Variants in ZNF737 observed in about 807,000 individuals in gnomAD.
ZNF737 encodes zinc finger protein 737, also known as zinc finger protein 102 (Y3).
Under a neutral mutation model 11.7 loss-of-function variants are expected in ZNF737, and 13 were observed. The observed-to-expected ratio is 1.11, with a 90% CI of 0.73 to 1.77. ZNF737 has a LOEUF of 1.77. Ranked by LOEUF, ZNF737 falls within the 40% of genes most tolerant of loss-of-function variation. ZNF737 has a pLI of 0.00. For synonymous variants in ZNF737, 217 were observed against 216.2 expected (o/e 1.00, Z -0.03); for missense variants, 636 against 638.0 (o/e 1.00, Z 0.03).
chr19:20,532,375 G>T (rs1224113545), downstream of ZNF737, among the ~76,000 whole-genome samples: 1 of 149,250 alleles, frequency 6.7e-6, no homozygotes, highest in Non-Finnish European at 1.5e-5. Flanking sequence ...TATTTCTGAG[G>T]TTTTTTTTAA....
intron 1 of ZNF737, among the ~76,000 whole-genome samples, chr19:20,554,431 T>G (rs1555759914): frequency 6.6e-6 from 1 of 152,070 alleles, no homozygotes; most frequent in African/African-American, 2.4e-5. Context: ...TAGAAAAAAT[T>G]AAGAAAAAAG....
At chr19:20,562,411 G>A (rs549887860) in intron 1 of ZNF737, among the ~76,000 whole-genome samples, 2 of 147,394 alleles carry the variant, frequency 1.4e-5, no homozygotes, top group East Asian at 2.0e-4. Flanking sequence ...GTGTGATCTC[G>A]GCTCACCACA....
chr19:20,557,201 T>G (rs1163061486), intron 1 of ZNF737, among the ~76,000 whole-genome samples: 1 of 152,272 alleles, frequency 6.6e-6, no homozygotes, highest in East Asian at 1.9e-4. Context: ...ATTAAAAAAC[T>G]AGGACCCTAA....
intron 1 of ZNF737, among the ~76,000 whole-genome samples, chr19:20,554,163 CAT>C (rs1483407324): frequency 2.0e-5 from 3 of 152,138 alleles, no homozygotes; most frequent in African/African-American, 7.2e-5. Context: ...ATGACAAAGA[CAT>C]GTTGAGTTTA....
Position 20,542,712 on chromosome 19 carries a change from T to C in ZNF737, c.*1880A>G. On this transcript the variant is annotated 3_prime_UTR_variant, in exon 4 of 4. Transcript: ENST00000427401. ...TTACTACAAACAGCTTCTCCACTTG[T>C]ATTTTCATTATGCGTCTTACATTTT... The C allele has an allele frequency of 2.0e-6, 2 of 984,636 alleles. No individual in the cohort carries two copies. Among genetic ancestry groups the C allele is most frequent in the Non-Finnish European group, 2.4e-6 (2 of 829,238 alleles). The allele number at this position is 984,636 out of a possible 1,614,324, so 61.0% of individuals were successfully genotyped here. A position where few individuals can be genotyped will look rare whatever the true frequency, so the allele number is the denominator to read the frequency against.
In ZNF737 at chr19:20,540,722, G is replaced by C; in HGVS notation, c.*3870C>G. 1 of 773,592 alleles carries C rather than the reference G, an allele frequency of 1.3e-6. No individual in the cohort carries two copies. The highest frequency in any genetic ancestry group is 1.6e-6 in the Non-Finnish European group (1 of 637,470). 47.9% of individuals were successfully genotyped at this position (773,592 alleles called of 1,614,324 possible). A position where few individuals can be genotyped will look rare whatever the true frequency, so the allele number is the denominator to read the frequency against. On this transcript the variant is annotated 3_prime_UTR_variant, in exon 4 of 4. Coordinates refer to ENST00000427401, the MANE Select transcript of ZNF737 (RefSeq NM_001159293.2). ...TGCCATGAGCTGAGATCACGCCACT[G>C]CTCTCCAGCCTGGAAGACAGAGCAA...
chr19:20,531,343 G>T (rs1203356777), downstream of ZNF737, among the ~76,000 whole-genome samples: 2 of 149,440 alleles, frequency 1.3e-5, no homozygotes, highest in Non-Finnish European at 3.0e-5. Flanking sequence ...GAGAATTTCT[G>T]TTGTTGATTT....
chr19:20,544,278 T>C lies in ZNF737; in HGVS notation c.*314A>G, dbSNP rs1304904351. 4 of 1,179,520 alleles carry C rather than the reference T, an allele frequency of 3.4e-6. No homozygotes were observed. The highest frequency in any genetic ancestry group is 4.8e-5 in the East Asian group (1 of 20,744). 73.1% of individuals were successfully genotyped at this position (1,179,520 alleles called of 1,614,324 possible). A position where few individuals can be genotyped will look rare whatever the true frequency, so the allele number is the denominator to read the frequency against. On this transcript the variant is annotated 3_prime_UTR_variant, in exon 4 of 4. Coordinates refer to ENST00000427401, the MANE Select transcript of ZNF737 (RefSeq NM_001159293.2). ...TTATATTTGTAGGGTTTATGTTCCA[T>C]ATAAATTCTCATATTTAGTAAAAGT...
At chr19:20,563,960 T>C (rs1969201500) in intron 1 of ZNF737, 1 of 152,052 alleles carries the variant, frequency 6.6e-6, no homozygotes. Context: ...TGTCAGAAGA[T>C]CACGACCATT....
downstream of ZNF737, among the ~76,000 whole-genome samples, chr19:20,532,823 A>G (rs1340317706): frequency 6.7e-6 from 1 of 149,908 alleles, no homozygotes; most frequent in Non-Finnish European, 1.5e-5. Flanking sequence ...ACTATCACCC[A>G]TTTGAAATGT....
At chr19:20,559,625 A>G (rs1555761941) in intron 1 of ZNF737, among the ~76,000 whole-genome samples, 1 of 152,244 alleles carries the variant, frequency 6.6e-6, no homozygotes, top group African/African-American at 2.4e-5. Flanking sequence ...AGAAAACGGA[A>G]TGCTTATACT....
In ZNF737 at chr19:20,541,310, A is replaced by C. The variant is rs1968195885; in HGVS notation, c.*3282T>G. Reference sequence around the variant, plus strand: ...TTTCTTACACCTCAGGTTTATCTTCAGAGTAATATGTGTATATTTAACTCT... The same window carrying C: ...TTTCTTACACCTCAGGTTTATCTTCCGAGTAATATGTGTATATTTAACTCT... On this transcript the variant is annotated 3_prime_UTR_variant, in exon 4 of 4. Transcript: ENST00000427401. 1.0e-6 allele frequency: 1 copy of C among 983,364 alleles called. No individual in the cohort carries two copies. Among genetic ancestry groups the C allele is most frequent in the Non-Finnish European group, 1.2e-6 (1 of 828,752 alleles). 60.9% of individuals were successfully genotyped at this position (983,364 alleles called of 1,614,324 possible). A position where few individuals can be genotyped will look rare whatever the true frequency, so the allele number is the denominator to read the frequency against.
intron 1 of ZNF737, among the ~76,000 whole-genome samples, chr19:20,563,728 C>T (rs1476125517): frequency 6.6e-6 from 1 of 152,046 alleles, no homozygotes; most frequent in Non-Finnish European, 1.5e-5. Context: ...TCAAGTGATC[C>T]ACTCACCTCG....
chr19:20,531,068 A>G (rs1967813570), downstream of ZNF737, among the ~76,000 whole-genome samples: 1 of 146,530 alleles, frequency 6.8e-6, no homozygotes, highest in Admixed American at 6.8e-5. Context: ...TCCACCAAAA[A>G]AATACGAAAA....
At position 20,539,116 on chromosome 19, in the gene ZNF737, T is replaced by C. The variant is rs1486867020; in HGVS notation, c.*5476A>G. The C allele has an allele frequency of 1.7e-6, 1 of 602,966 alleles. No individual in the cohort carries two copies. 37.4% of individuals were successfully genotyped at this position (602,966 alleles called of 1,614,324 possible). On this transcript the variant is annotated 3_prime_UTR_variant, in exon 4 of 4. Transcript: ENST00000427401. ...TTCAAGACAAGCCTGGCTAACATGATGAAATCCCATCTCTACTACAAAAAT... is the reference window on the plus strand; with the variant it reads ...TTCAAGACAAGCCTGGCTAACATGACGAAATCCCATCTCTACTACAAAAAT...
At chr19:20,556,436 A>G (rs1376509030) in intron 1 of ZNF737, among the ~76,000 whole-genome samples, 2 of 152,246 alleles carry the variant, frequency 1.3e-5, no homozygotes, top group Non-Finnish European at 2.9e-5. Flanking sequence ...TAACGAGCTA[A>G]GCTAAGCATT....
chr19:20,564,938 A>ATTTT (rs33965622), intron 1 of ZNF737, among the ~76,000 whole-genome samples: 8,392 of 141,492 alleles, frequency 0.059, 922 homozygotes, highest in African/African-American at 0.21. Flanking sequence ...ATAACCAGGA[A>ATTTT]TTTTTTTTTT....
chr19:20,560,933 A>G (rs1969069478), intron 1 of ZNF737, among the ~76,000 whole-genome samples: 1 of 152,190 alleles, frequency 6.6e-6, no homozygotes, highest in Admixed American at 6.5e-5. Flanking sequence ...GGAGGGTGGA[A>G]GACTAAGAGA....
intron 3 of ZNF737, among the ~76,000 whole-genome samples, chr19:20,550,510 G>A (rs972765163): frequency 3.9e-5 from 6 of 152,136 alleles, no homozygotes; most frequent in African/African-American, 9.7e-5. Context: ...TATAGGGAGA[G>A]TGACATCAGT....
Sources: gnomAD v4.1 joint callset for allele counts (sites outside exome capture counted in the v4.1 genomes callset) on GRCh38, gnomAD v4.1.1 for gene constraint, MANE v1.5 for transcripts, NCBI Gene and HGNC (gene_info 2026-07-23, HGNC 2026-07-21) for gene names.